SLC24A2: variants seen among roughly 807,000 people sequenced by gnomAD.
SLC24A2 encodes solute carrier family 24 member 2, also known as sodium/potassium/calcium exchanger 2.
A neutral mutation model predicts 62.0 loss-of-function variants in SLC24A2; 36 were observed. The observed-to-expected ratio is 0.58, with a 90% CI of 0.44 to 0.77. The LOEUF (loss-of-function observed/expected upper bound fraction) is 0.77. Among genes scored for constraint, SLC24A2 ranks in the 30% least tolerant of loss-of-function variants. The probability of loss-of-function intolerance (pLI) is 0.00; values close to 1 mark genes in which losing one functional copy is unlikely to be tolerated. For missense variants in SLC24A2, 846 were observed against 817.9 expected (o/e 1.03, Z -0.42); for synonymous variants, 358 against 294.0 (o/e 1.22, Z -2.23).
chr9:19,873,932 C>T, the SLC24A2 span, among the ~76,000 whole-genome samples: 1 of 152,148 alleles, frequency 6.6e-6, no homozygotes, highest in Non-Finnish European at 1.5e-5. Flanking sequence ...ATAATTTGTG[C>T]AACTTGTTTC....
At chr9:19,545,105 C>T (rs1378206101) in intron 8 of SLC24A2, among the ~76,000 whole-genome samples, 1 of 152,064 alleles carries the variant, frequency 6.6e-6, no homozygotes, top group Non-Finnish European at 1.5e-5. Flanking sequence ...TCCCATATTT[C>T]TTGGAGGCTT....
chr9:19,966,439 G>C, the SLC24A2 span, among the ~76,000 whole-genome samples: 2 of 152,124 alleles, frequency 1.3e-5, no homozygotes, highest in Admixed American at 6.6e-5. Flanking sequence ...GATCATTTTA[G>C]CATCTTAGAG....
the SLC24A2 span, among the ~76,000 whole-genome samples, chr9:20,005,832 T>C: frequency 3.5e-5 from 5 of 143,350 alleles, no homozygotes; most frequent in Non-Finnish European, 7.6e-5. Context: ...TCAAAAATAA[T>C]CAAGAACTCC....
the SLC24A2 span, among the ~76,000 whole-genome samples, chr9:19,984,289 A>G: frequency 6.6e-6 from 1 of 152,314 alleles, no homozygotes; most frequent in South Asian, 2.1e-4. Context: ...AGCTAGAATA[A>G]TATTGAAAAA....
At chr9:19,700,294 T>A (rs1034565989) in intron 2 of SLC24A2, among the ~76,000 whole-genome samples, 3 of 152,136 alleles carry the variant, frequency 2.0e-5, no homozygotes, top group Non-Finnish European at 2.9e-5. Context: ...TAAACACCTT[T>A]TGCAGGACTC....
chr9:20,135,584 T>C, the SLC24A2 span, among the ~76,000 whole-genome samples: 1 of 152,120 alleles, frequency 6.6e-6, no homozygotes, highest in Non-Finnish European at 1.5e-5. Flanking sequence ...GTAGAGTTTA[T>C]CACTGTGCCT....
the SLC24A2 span, among the ~76,000 whole-genome samples, chr9:19,804,421 A>G: frequency 7.2e-5 from 11 of 152,118 alleles, no homozygotes; most frequent in East Asian, 2.1e-3. Flanking sequence ...AAAGTTATAA[A>G]TGGAATTGCT....
intron 2 of SLC24A2, among the ~76,000 whole-genome samples, chr9:19,634,838 C>T (rs948999004): frequency 6.6e-6 from 1 of 152,136 alleles, no homozygotes; most frequent in African/African-American, 2.4e-5. Context: ...ATGCATCCCT[C>T]TAATCTTATT....
chr9:20,249,738 G>A, the SLC24A2 span, among the ~76,000 whole-genome samples: 435 of 148,184 alleles, frequency 2.9e-3, no homozygotes, highest in Non-Finnish European at 4.3e-3. Flanking sequence ...GAGACAGTCT[G>A]AAATGTCATG....
At chr9:20,117,864 C>T in the SLC24A2 span, among the ~76,000 whole-genome samples, 11 of 152,070 alleles carry the variant, frequency 7.2e-5, no homozygotes, top group Admixed American at 2.6e-4. Flanking sequence ...TATACTATTA[C>T]ACTAATTTTA....
chr9:19,650,801 G>T (rs1818778340), intron 2 of SLC24A2, among the ~76,000 whole-genome samples: 1 of 148,554 alleles, frequency 6.7e-6, no homozygotes, highest in East Asian at 2.0e-4. Context: ...TAATTCACAG[G>T]CATTGTAAAC....
chr9:19,949,466 C>T, the SLC24A2 span, among the ~76,000 whole-genome samples: 2 of 152,188 alleles, frequency 1.3e-5, no homozygotes, highest in African/African-American at 2.4e-5. Flanking sequence ...ATGAAATAGT[C>T]AAAGGCTTTC....
intron 7 of SLC24A2, among the ~76,000 whole-genome samples, chr9:19,565,828 G>A (rs1410316203): frequency 6.6e-6 from 1 of 152,056 alleles, no homozygotes; most frequent in African/African-American, 2.4e-5. Context: ...ATAACCATCT[G>A]ATCTTTGACA....
At chr9:19,964,888 A>C in the SLC24A2 span, among the ~76,000 whole-genome samples, 2 of 152,170 alleles carry the variant, frequency 1.3e-5, no homozygotes, top group African/African-American at 2.4e-5. Flanking sequence ...GGATACTCTC[A>C]TCAGTAAGGT....
chr9:20,141,402 A>G, the SLC24A2 span, among the ~76,000 whole-genome samples: 1 of 152,094 alleles, frequency 6.6e-6, no homozygotes, highest in Non-Finnish European at 1.5e-5. Context: ...TTTTACCCTT[A>G]AAATCTATCA....
the SLC24A2 span, among the ~76,000 whole-genome samples, chr9:19,995,239 C>A: frequency 6.6e-6 from 1 of 152,128 alleles, no homozygotes; most frequent in Non-Finnish European, 1.5e-5. Context: ...AATCATATCT[C>A]AATTTAAAAA....
the SLC24A2 span, among the ~76,000 whole-genome samples, chr9:20,069,564 C>A: frequency 2.0e-5 from 3 of 152,194 alleles, no homozygotes; most frequent in Admixed American, 6.5e-5. Flanking sequence ...TCCAGGCATC[C>A]TTTAAAGATC....
chr9:19,535,360 G>C (rs1833909450), intron 8 of SLC24A2, among the ~76,000 whole-genome samples: 1 of 152,166 alleles, frequency 6.6e-6, no homozygotes, highest in African/African-American at 2.4e-5. Context: ...AGTTTAATGA[G>C]ATCCCAGTTG....
chr9:19,982,329 G>C, the SLC24A2 span, among the ~76,000 whole-genome samples: 1 of 152,140 alleles, frequency 6.6e-6, no homozygotes, highest in Admixed American at 6.6e-5. Flanking sequence ...GAGGAGGTTG[G>C]TGGGTTTCTA....
Sources: gnomAD v4.1 joint callset for allele counts (sites outside exome capture counted in the v4.1 genomes callset) on GRCh38, gnomAD v4.1.1 for gene constraint, MANE v1.5 for transcripts, NCBI Gene and HGNC (gene_info 2026-07-23, HGNC 2026-07-21) for gene names.